The following EYS variants were observed in gnomAD, a reference collection of about 807,000 sequenced individuals.
EYS encodes the protein protein eyes shut homolog.
EYS carries 250 observed loss-of-function variants against 282.1 expected under a neutral mutation model. That is an observed-to-expected ratio of 0.89 (90% confidence interval 0.80 to 0.98). EYS has a LOEUF of 0.98. EYS is among the 50% of genes least tolerant of loss of function. EYS has a pLI of 0.00. For synonymous variants in EYS, 1,355 were observed against 1,282.9 expected (o/e 1.06, Z -1.20); for missense variants, 4,016 against 3,709.0 (o/e 1.08, Z -2.15).
At chr6:64,340,105 A>T (rs1050489223) in intron 29 of EYS, among the ~76,000 whole-genome samples, 27 of 151,680 alleles carry the variant, frequency 1.8e-4, no homozygotes, top group Non-Finnish European at 3.2e-4. Flanking sequence ...CAATTTAAAT[A>T]GGTTTTGCCT....
chr6:64,437,699 C>A (rs1725220656), intron 27 of EYS, among the ~76,000 whole-genome samples: 1 of 150,686 alleles, frequency 6.6e-6, no homozygotes, highest in South Asian at 2.1e-4. Flanking sequence ...CAGAATTATA[C>A]CTGGGACATA....
intron 16 of EYS, among the ~76,000 whole-genome samples, chr6:64,909,100 C>T (rs1284030538): frequency 1.3e-5 from 2 of 152,258 alleles, no homozygotes; most frequent in African/African-American, 4.8e-5. Context: ...ACTGGTATGT[C>T]TCTCCCTTAA....
chr6:64,383,137 T>C (rs1372596209), intron 29 of EYS, among the ~76,000 whole-genome samples: 1 of 151,914 alleles, frequency 6.6e-6, no homozygotes. Flanking sequence ...AAAATAAAAA[T>C]TAAATTAAAT....
intron 26 of EYS, among the ~76,000 whole-genome samples, chr6:64,522,619 G>T (rs906892305): frequency 6.6e-6 from 1 of 151,704 alleles, no homozygotes; most frequent in South Asian, 2.1e-4. Flanking sequence ...TGGGGAATCC[G>T]GGGGCAAGAC....
intron 5 of EYS, among the ~76,000 whole-genome samples, chr6:65,408,586 T>C (rs1476431260): frequency 6.6e-6 from 1 of 152,136 alleles, no homozygotes; most frequent in Non-Finnish European, 1.5e-5. Context: ...TTCCAATGCT[T>C]ATTTTATTTA....
intron 22 of EYS, among the ~76,000 whole-genome samples, chr6:64,668,336 A>G (rs1323011330): frequency 1.3e-5 from 2 of 152,190 alleles, no homozygotes; most frequent in Non-Finnish European, 2.9e-5. Context: ...CGTACAGAAA[A>G]GTGCGAATTA....
chr6:64,663,061 G>A (rs6454953), intron 22 of EYS, among the ~76,000 whole-genome samples: 97,264 of 151,978 alleles, frequency 0.64, 31,357 homozygotes, highest in African/African-American at 0.71. Context: ...TATTGAAGAG[G>A]GCTAGATTTT....
intron 13 of EYS, among the ~76,000 whole-genome samples, chr6:65,023,726 G>T: frequency 6.6e-6 from 1 of 152,344 alleles, no homozygotes; most frequent in East Asian, 1.9e-4. Context: ...GGGTTTGCTT[G>T]CAGCATGAAA....
At chr6:64,236,272 C>T (rs547280623) in intron 30 of EYS, among the ~76,000 whole-genome samples, 11 of 152,074 alleles carry the variant, frequency 7.2e-5, no homozygotes, top group Admixed American at 6.6e-4. Context: ...CGTACCTGGC[C>T]CCTTTATTCA....
intron 1 of EYS, among the ~76,000 whole-genome samples, chr6:65,680,854 T>C (rs183470544): frequency 2.0e-5 from 3 of 152,036 alleles, no homozygotes; most frequent in Admixed American, 2.0e-4. Flanking sequence ...TCTACCTCGA[T>C]GTAGCAACTG....
chr6:63,794,752 A>G (rs1286601583), intron 37 of EYS, among the ~76,000 whole-genome samples: 1 of 152,212 alleles, frequency 6.6e-6, no homozygotes, highest in East Asian at 1.9e-4. Flanking sequence ...CCACATTTGT[A>G]TTGCCATGTA....
chr6:64,524,248 A>G (rs1235219408), intron 26 of EYS, among the ~76,000 whole-genome samples: 1 of 151,738 alleles, frequency 6.6e-6, no homozygotes. Flanking sequence ...TACATATAAA[A>G]TGTTTGTAAA....
At chr6:63,745,878 A>G (rs1478846341) in intron 41 of EYS, among the ~76,000 whole-genome samples, 1 of 152,164 alleles carries the variant, frequency 6.6e-6, no homozygotes, top group African/African-American at 2.4e-5. Flanking sequence ...ATCCAGTAGA[A>G]TTAGTATCCT....
At chr6:65,388,079 C>G (rs920968448) in intron 7 of EYS, among the ~76,000 whole-genome samples, 2 of 152,014 alleles carry the variant, frequency 1.3e-5, no homozygotes, top group Non-Finnish European at 2.9e-5. Context: ...GACCTATGGA[C>G]TACTTCATAT....
At chr6:65,687,507 C>A (rs563105770) in intron 1 of EYS, among the ~76,000 whole-genome samples, 1 of 152,048 alleles carries the variant, frequency 6.6e-6, no homozygotes, top group Non-Finnish European at 1.5e-5. Flanking sequence ...AGATTCTAAA[C>A]ATAAACAGAT....
intron 31 of EYS, among the ~76,000 whole-genome samples, chr6:64,193,095 G>GT (rs1356894581): frequency 6.6e-6 from 1 of 151,964 alleles, no homozygotes; most frequent in Non-Finnish European, 1.5e-5. Context: ...GTGTGTTTTG[G>GT]TTTTTTGTAG....
In EYS at chr6:64,457,983, T is replaced by C. The variant is rs546661257; in HGVS notation, c.5645-18631A>G. On this transcript the variant is annotated intron_variant, in intron 26 of 42. Coordinates refer to ENST00000503581, the MANE Select transcript of EYS (RefSeq NM_001142800.2). Reference sequence around the variant, plus strand: ...TGCTTTGTGGTTACCATGGGGCTTATTACATAAAAAAATTTTGTAGTTATA... The same window carrying C: ...TGCTTTGTGGTTACCATGGGGCTTACTACATAAAAAAATTTTGTAGTTATA... Among the ~76,000 whole-genome samples, 14 of 152,064 alleles carry C rather than the reference T, an allele frequency of 9.2e-5. 1 individual carries two copies. Among genetic ancestry groups the C allele is most frequent in the Admixed American group, 5.9e-4 (9 of 15,264 alleles).
At chr6:64,885,246 T>G (rs958189524) in intron 19 of EYS, among the ~76,000 whole-genome samples, 3 of 151,686 alleles carry the variant, frequency 2.0e-5, no homozygotes, top group Non-Finnish European at 4.4e-5. Flanking sequence ...TTAAAACATC[T>G]TAAATCATGT....
intron 33 of EYS, among the ~76,000 whole-genome samples, chr6:64,005,118 C>T (rs983883894): frequency 6.6e-6 from 1 of 152,204 alleles, no homozygotes; most frequent in Admixed American, 6.5e-5. Context: ...ACAACCTTGC[C>T]AGCATCTGTA....
Sources: allele counts gnomAD v4.1 joint callset (sites outside exome capture counted in the v4.1 genomes callset), GRCh38; gene constraint gnomAD v4.1.1; transcripts MANE v1.5; gene names NCBI Gene and HGNC (gene_info 2026-07-23, HGNC 2026-07-21).